Variants in ARHGAP29 observed in about 807,000 individuals in gnomAD.
The protein encoded by ARHGAP29 is rho GTPase-activating protein 29.
ARHGAP29 carries 43 observed loss-of-function variants against 122.6 expected under a neutral mutation model. That is an observed-to-expected ratio of 0.35 (90% confidence interval 0.27 to 0.45). The LOEUF (loss-of-function observed/expected upper bound fraction) is 0.45, where lower values mean the gene tolerates loss of function less well. Among genes scored for constraint, ARHGAP29 ranks in the 20% least tolerant of loss-of-function variants. The probability of loss-of-function intolerance (pLI) is 1.00; values close to 1 mark genes in which losing one functional copy is unlikely to be tolerated. For synonymous variants in ARHGAP29, 506 were observed against 497.1 expected (o/e 1.02, Z -0.24); for missense variants, 1,303 against 1,477.2 (o/e 0.88, Z 1.93).
the ARHGAP29 span, among the ~76,000 whole-genome samples, chr1:94,297,036 G>C: frequency 6.6e-6 from 1 of 152,190 alleles, no homozygotes; most frequent in Non-Finnish European, 1.5e-5. Context: ...GGTCTGATTT[G>C]TGTGACCATC....
intron 16 of ARHGAP29, among the ~76,000 whole-genome samples, chr1:94,186,248 C>T (rs1649794001): frequency 6.6e-6 from 1 of 152,130 alleles, no homozygotes; most frequent in Non-Finnish European, 1.5e-5. Context: ...GTTATTTTAG[C>T]ACCATGCCAA....
intron 2 of ARHGAP29, among the ~76,000 whole-genome samples, chr1:94,229,885 G>A (rs1652827613): frequency 6.6e-6 from 1 of 151,236 alleles, no homozygotes; most frequent in Non-Finnish European, 1.5e-5. Context: ...TGTGACACAA[G>A]GATAATTATG....
chr1:94,312,351 A>ATTTTTT, the ARHGAP29 span, among the ~76,000 whole-genome samples: 1 of 72,564 alleles, frequency 1.4e-5, no homozygotes, highest in Non-Finnish European at 3.0e-5. Flanking sequence ...CTTCATTTTT[A>ATTTTTT]TTTGTTTTTT....
the ARHGAP29 span, among the ~76,000 whole-genome samples, chr1:94,295,691 C>G: frequency 7.6e-5 from 5 of 65,834 alleles, no homozygotes; most frequent in Non-Finnish European, 1.7e-4. Context: ...GAAATACTTA[C>G]TCTAATTCTA....
At chr1:94,227,943 TA>T (rs925661105) in intron 2 of ARHGAP29, among the ~76,000 whole-genome samples, 1 of 151,768 alleles carries the variant, frequency 6.6e-6, no homozygotes, top group East Asian at 1.9e-4. Flanking sequence ...TGACACTGGA[TA>T]AAAAAACTAA....
At chr1:94,285,687 C>G in the ARHGAP29 span, among the ~76,000 whole-genome samples, 1 of 151,678 alleles carries the variant, frequency 6.6e-6, no homozygotes, top group Admixed American at 6.6e-5. Context: ...CCATCCTGGC[C>G]AACATGGTGA....
chr1:94,288,965 G>A, the ARHGAP29 span, among the ~76,000 whole-genome samples: 2 of 152,154 alleles, frequency 1.3e-5, no homozygotes, highest in African/African-American at 2.4e-5. Context: ...GATTGACTTG[G>A]CTATGTGGGC....
intron 1 of ARHGAP29, among the ~76,000 whole-genome samples, chr1:94,248,712 G>GTTTTA (rs1249340971): frequency 1.2e-4 from 18 of 152,156 alleles, no homozygotes; most frequent in African/African-American, 4.1e-4. Flanking sequence ...GTTTTGTTTT[G>GTTTTA]TTTTAGAGAG....
At chr1:94,240,924 T>C (rs551932035), upstream of ARHGAP29, among the ~76,000 whole-genome samples, 1 of 152,292 alleles carries the variant, frequency 6.6e-6, no homozygotes, top group East Asian at 1.9e-4. Flanking sequence ...GTAGTTTAGG[T>C]AGCCTACTTT....
At chr1:94,251,156 G>A (rs2100695649) in intron 1 of ARHGAP29, among the ~76,000 whole-genome samples, 1 of 151,196 alleles carries the variant, frequency 6.6e-6, no homozygotes. Flanking sequence ...CCTATGAAGT[G>A]CTATTATCAT....
chr1:94,289,961 T>C, the ARHGAP29 span, among the ~76,000 whole-genome samples: 17 of 152,256 alleles, frequency 1.1e-4, no homozygotes, highest in East Asian at 1.9e-4. Context: ...CTCTTTTTCA[T>C]TGTGTCTCTG....
chr1:94,189,865 G>A lies in ARHGAP29; in HGVS notation c.1439+61C>T, dbSNP rs1650031448. On this transcript the variant is annotated intron_variant, in intron 13 of 22. Transcript: ENST00000260526. ...AAAAGTCTCCTCCTTGTACTAGATA[G>A]AAACTTAACAATTAAGTGTTTTATA... 2.6e-6 allele frequency: 4 copies of A among 1,538,938 alleles called. No homozygotes were observed. The South Asian group carries it at 4.6e-5, about 18-fold the overall frequency.
chr1:94,308,279 G>A, the ARHGAP29 span, among the ~76,000 whole-genome samples: 2,589 of 152,182 alleles, frequency 0.017, 30 homozygotes, highest in Non-Finnish European at 0.026. Flanking sequence ...ACACTAGAAA[G>A]TAGGCAGGAA....
In ARHGAP29 at chr1:94,205,665, C is replaced by A; in HGVS notation, c.529G>T (p.Val177Leu). ...RETKSFENVS[V>L]ESVDSSSEKG... Reference sequence around the variant, plus strand: ...TCACTGGATGAGTCCACTGATTCCACAGAAACATTTTCAAACGACTTACAA... The same window carrying A: ...TCACTGGATGAGTCCACTGATTCCAAAGAAACATTTTCAAACGACTTACAA... The change falls in exon 6 of 23, where the codon GTG (valine) becomes TTG (leucine). Residue 177 changes from valine (V) to leucine (L), a missense_variant. By Grantham distance (32) the Val-to-Leu change is conservative (BLOSUM62 1). Transcript: ENST00000260526. 1 of 1,612,520 alleles carries A rather than the reference C, an allele frequency of 6.2e-7. No homozygotes were observed. The highest frequency in any genetic ancestry group is 8.5e-7 in the Non-Finnish European group (1 of 1,179,254).
At chr1:94,219,858 CTTCT>C (rs1652182327) in intron 3 of ARHGAP29, among the ~76,000 whole-genome samples, 1 of 152,110 alleles carries the variant, frequency 6.6e-6, no homozygotes, top group South Asian at 2.1e-4. Context: ...CCAATTAAGC[CTTCT>C]TTTTCTCCAT....
the ARHGAP29 span, among the ~76,000 whole-genome samples, chr1:94,282,570 A>G: frequency 6.6e-6 from 1 of 152,122 alleles, no homozygotes; most frequent in South Asian, 2.1e-4. Context: ...GCCACATTAC[A>G]GGCATGACCA....
At chr1:94,193,538 A>G (rs2101455967) in intron 12 of ARHGAP29, 1 of 152,342 alleles carries the variant, frequency 6.6e-6, no homozygotes, top group South Asian at 2.1e-4. Context: ...AATCCCACAA[A>G]AACAGCCAAA....
Position 94,237,537 on chromosome 1 carries a change from T to G in ARHGAP29, c.-155A>C, listed in dbSNP as rs1386615623. The G allele has an allele frequency of 1.6e-4, 158 of 990,638 alleles. No homozygotes were observed. The highest frequency in any genetic ancestry group is 1.8e-4 in the Non-Finnish European group (153 of 834,020). 61.4% of individuals were successfully genotyped at this position (990,638 alleles called of 1,614,324 possible). A position where few individuals can be genotyped will look rare whatever the true frequency, so the allele number is the denominator to read the frequency against. The stretch of plus-strand genomic sequence containing the variant: ...CGGCCTGCGGACGCCCGGCCAAATC[T>G]CAGCCGCAGCCGCAGCCGCAGCCAC... On this transcript the variant is annotated 5_prime_UTR_variant, in exon 1 of 23. Transcript: ENST00000260526.
At chr1:94,204,219 T>C (rs894637763) in intron 7 of ARHGAP29, among the ~76,000 whole-genome samples, 2 of 151,748 alleles carry the variant, frequency 1.3e-5, no homozygotes, top group African/African-American at 2.4e-5. Context: ...CAGGCTCAAG[T>C]GATCTTCCAG....
Sources: gnomAD v4.1 joint callset for allele counts (sites outside exome capture counted in the v4.1 genomes callset) on GRCh38, gnomAD v4.1.1 for gene constraint, MANE v1.5 for transcripts, NCBI Gene and HGNC (gene_info 2026-07-23, HGNC 2026-07-21) for gene names.